TPO: variants seen among roughly 807,000 people sequenced by gnomAD.
TPO encodes the protein thyroid microsomal antigen.
In TPO, 78 loss-of-function variants were observed where a neutral mutation model predicts 96.9. The observed-to-expected ratio is 0.81, with a 90% CI of 0.67 to 0.97. The LOEUF (loss-of-function observed/expected upper bound fraction) is 0.97. Ranked by LOEUF, TPO falls within the 50% of genes least tolerant of loss-of-function variation. The pLI is 0.00. For missense variants in TPO, 1,252 were observed against 1,274.8 expected, an observed-to-expected ratio of 0.98 and a Z score of 0.27; for synonymous variants, 547 against 538.0, an observed-to-expected ratio of 1.02 and a Z score of -0.23.
At chr2:1,523,898 C>T (rs1675793994) in intron 15 of TPO, among the ~76,000 whole-genome samples, 3 of 104,416 alleles carry the variant, frequency 2.9e-5, no homozygotes, top group Non-Finnish European at 5.4e-5. Context: ...TGCTTAAATC[C>T]CCCCAACTGT....
chr2:1,529,076 TC>T (rs1172215677), intron 15 of TPO, among the ~76,000 whole-genome samples: 1 of 92,310 alleles, frequency 1.1e-5, no homozygotes, highest in Non-Finnish European at 2.0e-5. Context: ...CTTCCCTAAA[TC>T]CCCCCAACTG....
At chr2:1,527,327 A>C (rs1676817225) in intron 15 of TPO, among the ~76,000 whole-genome samples, 1 of 102,434 alleles carries the variant, frequency 9.8e-6, no homozygotes, top group Non-Finnish European at 1.8e-5. Flanking sequence ...TCACTGTGTA[A>C]CCTCCCAAAA....
At chr2:1,468,758 C>G (rs1447579174) in intron 7 of TPO, among the ~76,000 whole-genome samples, 1 of 152,210 alleles carries the variant, frequency 6.6e-6, no homozygotes, top group African/African-American at 2.4e-5. Flanking sequence ...AGGTCTCCAG[C>G]AAGGCCAGGG....
Position 1,467,405 on chromosome 2 carries a change from C to T in TPO, c.820-9681C>T, listed in dbSNP as rs7583423. 5.8e-3 allele frequency among the ~76,000 whole-genome samples: 877 copies of T among 152,128 alleles called. 16 individuals carry two copies. The highest frequency in any genetic ancestry group is 0.02 in the African/African-American group (810 of 41,502). ...AGGCATGAGCCACTGTGCCTGGCCCCGAAGAATTTTTTAATTTCCATCTTG... is the reference window on the plus strand; with the variant it reads ...AGGCATGAGCCACTGTGCCTGGCCCTGAAGAATTTTTTAATTTCCATCTTG... On this transcript the variant is annotated intron_variant, in intron 7 of 16. Transcript: ENST00000329066.
chr2:1,504,858 C>G (rs1673242462), intron 14 of TPO, among the ~76,000 whole-genome samples: 1 of 152,142 alleles, frequency 6.6e-6, no homozygotes, highest in African/African-American at 2.4e-5. Context: ...ATTTACCAGA[C>G]TCAAGTTACA....
chr2:1,376,852 G>A (rs529791918), intron 1 of TPO, among the ~76,000 whole-genome samples: 1 of 152,312 alleles, frequency 6.6e-6, no homozygotes, highest in East Asian at 1.9e-4. Flanking sequence ...GGTAGTGAAA[G>A]GAAGACCAAA....
chr2:1,531,909 C>T (rs1352065776), intron 15 of TPO, among the ~76,000 whole-genome samples: 4 of 99,084 alleles, frequency 4.0e-5, no homozygotes, highest in Non-Finnish European at 2.1e-5. Flanking sequence ...GCAACCTCCT[C>T]AAATCACCCC....
intron 8 of TPO, among the ~76,000 whole-genome samples, chr2:1,479,486 C>T (rs190484113): frequency 6.2e-4 from 95 of 152,328 alleles, no homozygotes; most frequent in Non-Finnish European, 1.2e-3. Context: ...GTGAGAACCT[C>T]ATCCAGCCCA....
chr2:1,436,540 T>A (rs748921025), intron 5 of TPO, among the ~76,000 whole-genome samples, 156 bp downstream of exon 5: 9 of 152,166 alleles, frequency 5.9e-5, no homozygotes, highest in Non-Finnish European at 1.2e-4. Flanking sequence ...GCCTCCTGCA[T>A]GCCTGGTGGT....
chr2:1,376,709 C>G (rs923911295), intron 1 of TPO, among the ~76,000 whole-genome samples: 1 of 152,148 alleles, frequency 6.6e-6, no homozygotes, highest in African/African-American at 2.4e-5. Flanking sequence ...CACACCACCC[C>G]TTTCTCCTGT....
chr2:1,526,278 C>T (rs1213108694), intron 15 of TPO, among the ~76,000 whole-genome samples: 1 of 121,112 alleles, frequency 8.3e-6, no homozygotes, highest in Non-Finnish European at 1.7e-5. Flanking sequence ...CCCAGTCCCC[C>T]CACAGTGTGC....
chr2:1,455,927 C>T (rs1667743685), intron 6 of TPO, 149 bp from the exon 7 acceptor site: 3 of 776,796 alleles, frequency 3.9e-6, no homozygotes, highest in Non-Finnish European at 6.7e-6. Flanking sequence ...TTATGCTCCT[C>T]CTGCCCTAAC....
intron 14 of TPO, among the ~76,000 whole-genome samples, 168 bp downstream of exon 14, chr2:1,504,247 G>A (rs935197765): frequency 2.6e-5 from 4 of 152,354 alleles, no homozygotes; most frequent in African/African-American, 9.6e-5. Flanking sequence ...CTGTGCTGGG[G>A]GCAGAGGATG....
At chr2:1,404,007 G>T (rs1376271424) in intron 1 of TPO, among the ~76,000 whole-genome samples, 1 of 152,184 alleles carries the variant, frequency 6.6e-6, no homozygotes, top group East Asian at 1.9e-4. Flanking sequence ...TTTCAGTTTT[G>T]GATATATGCA....
intron 16 of TPO, chr2:1,541,698 T>A (rs1393245756): frequency 6.6e-6 from 1 of 152,336 alleles, no homozygotes; most frequent in Non-Finnish European, 1.5e-5. Flanking sequence ...AGGTGATATG[T>A]TAATTAATTT....
intron 14 of TPO, among the ~76,000 whole-genome samples, chr2:1,506,730 T>G (rs1236485589): frequency 1.3e-5 from 2 of 152,190 alleles, no homozygotes; most frequent in East Asian, 1.9e-4. Context: ...TTGATGGGGT[T>G]GTTTGTTTTT....
intron 1 of TPO, among the ~76,000 whole-genome samples, chr2:1,385,553 A>T (rs1267274488): frequency 6.6e-6 from 1 of 150,644 alleles, no homozygotes; most frequent in Non-Finnish European, 1.5e-5. Flanking sequence ...ATCGGTGGTG[A>T]TATCCCCTTT....
chr2:1,426,303 A>T (rs1664381971), intron 3 of TPO, among the ~76,000 whole-genome samples: 1 of 149,864 alleles, frequency 6.7e-6, no homozygotes, highest in Non-Finnish European at 1.5e-5. Context: ...TCATTGTTCT[A>T]GATGCCAGGA....
At chr2:1,490,380 AGG>A in intron 10 of TPO, among the ~76,000 whole-genome samples, 1 of 46,958 alleles carries the variant, frequency 2.1e-5, no homozygotes, top group Non-Finnish European at 4.0e-5. Flanking sequence ...GGTCCCACAC[AGG>A]GGGAGTCACG....
Sources: gnomAD v4.1 joint callset for allele counts (sites outside exome capture counted in the v4.1 genomes callset) on GRCh38, gnomAD v4.1.1 for gene constraint, MANE v1.5 for transcripts, NCBI Gene and HGNC (gene_info 2026-07-23, HGNC 2026-07-21) for gene names.